Variants in BEGAIN observed in about 807,000 individuals in gnomAD.
BEGAIN encodes the protein brain enriched guanylate kinase associated.
BEGAIN carries 19 observed loss-of-function variants against 35.8 expected under a neutral mutation model. That is an observed-to-expected ratio of 0.53 (90% CI 0.37 to 0.78). The LOEUF is 0.78. Ranked by LOEUF, BEGAIN falls within the 30% of genes least tolerant of loss-of-function variation. The probability of loss-of-function intolerance (pLI) is 0.00; values close to 1 mark genes in which losing one functional copy is unlikely to be tolerated. For synonymous variants in BEGAIN, 462 were observed against 388.6 expected, an observed-to-expected ratio of 1.19 and a Z score of -2.22; for missense variants, 795 against 853.6, an observed-to-expected ratio of 0.93 and a Z score of 0.85.
Position 100,586,770 on chromosome 14 carries a change from G to A in BEGAIN, c.42+479C>T, listed in dbSNP as rs978336180. Among the ~76,000 whole-genome samples, 1 of 152,176 alleles carries A rather than the reference G, an allele frequency of 6.6e-6. No homozygotes were observed. Among genetic ancestry groups the A allele is most frequent in the Non-Finnish European group, 1.5e-5 (1 of 68,032 alleles). On this transcript the variant is annotated intron_variant, in intron 1 of 6. Transcript: ENST00000554140. This position sits in a 1 kb window ranked among gnomAD's most constrained non-coding sequence, Gnocchi z 4.9. ...ACGCGCTGCAAACGCTCAATGAGGCGGCCCCGGGTCCAGCCTCCTTCCGGC... is the reference window on the plus strand; with the variant it reads ...ACGCGCTGCAAACGCTCAATGAGGCAGCCCCGGGTCCAGCCTCCTTCCGGC...
intron 1 of BEGAIN, among the ~76,000 whole-genome samples, chr14:100,571,729 G>A (rs906667625): frequency 3.3e-5 from 5 of 152,034 alleles, no homozygotes; most frequent in African/African-American, 1.2e-4. Flanking sequence ...CAAATCATCC[G>A]ACCCCCATGC....
chr14:100,551,216 A>C (rs1458693380), intron 2 of BEGAIN, among the ~76,000 whole-genome samples: 3 of 152,206 alleles, frequency 2.0e-5, no homozygotes, highest in Non-Finnish European at 4.4e-5. Flanking sequence ...GGTGTGAGGA[A>C]GGACATGGGC....
Position 100,586,461 on chromosome 14 carries a change from C to A in BEGAIN, c.42+788G>T, listed in dbSNP as rs576875934. Among the ~76,000 whole-genome samples the A allele has an allele frequency of 7.9e-5, 12 of 152,286 alleles. No individual in the cohort carries two copies. Among genetic ancestry groups the A allele is most frequent in the Admixed American group, 4.6e-4 (7 of 15,302 alleles). On this transcript the variant is annotated intron_variant, in intron 1 of 6. Coordinates refer to ENST00000554140, the MANE Select transcript of BEGAIN (RefSeq NM_001385089.1). This position sits in a 1 kb window ranked among gnomAD's most constrained non-coding sequence, Gnocchi z 4.9. ...TCTGCCGGCTCAGGAGACTCCAGCG[C>A]GTCGCCCACGCTGTTCCTGCCCTGA...
chr14:100,582,385 G>A (rs909074448), intron 1 of BEGAIN, among the ~76,000 whole-genome samples: 1 of 151,958 alleles, frequency 6.6e-6, no homozygotes, highest in Admixed American at 6.6e-5. Flanking sequence ...CCTCGTGATC[G>A]GCCCACCTCG....
rs2033707172 is a variant in BEGAIN at position 100,556,200 on chromosome 14, A to T, written c.72-9538T>A. ...CCCCTCCCCCTCCTTCACTGGCCAC[A>T]CCTCTCCATTTGGATCCTCGACTCC... On this transcript the variant is annotated intron_variant, in intron 2 of 6. Coordinates refer to ENST00000554140, the MANE Select transcript of BEGAIN (RefSeq NM_001385089.1). Among the ~76,000 whole-genome samples the T allele has an allele frequency of 2.0e-5, 3 of 148,720 alleles. 1 individual carries two copies. In the South Asian group the frequency reaches 6.5e-4, roughly 32 times the overall value.
At chr14:100,564,098 G>A (rs1255591078) in intron 2 of BEGAIN, among the ~76,000 whole-genome samples, 1 of 151,054 alleles carries the variant, frequency 6.6e-6, no homozygotes, top group Non-Finnish European at 1.5e-5. Flanking sequence ...AGGGTCTCGG[G>A]GGATCTTAGG....
At chr14:100,552,131 G>T (rs1352455217) in intron 2 of BEGAIN, among the ~76,000 whole-genome samples, 1 of 152,180 alleles carries the variant, frequency 6.6e-6, no homozygotes, top group East Asian at 1.9e-4. Context: ...GGGCCTTATG[G>T]TAGGTGGGAT....
chr14:100,568,607 C>T lies in BEGAIN; in HGVS notation c.43-668G>A, dbSNP rs1250874248. On this transcript the variant is annotated intron_variant, in intron 1 of 6. Coordinates refer to ENST00000554140, the MANE Select transcript of BEGAIN (RefSeq NM_001385089.1). The surrounding 1 kb of genome is among the most constrained non-coding windows in gnomAD (Gnocchi z 7.5). Reference sequence around the variant, plus strand: ...GGCTCCCTGCCTTGCTTGCGCAGACCCGCCCGCGCGCGGCTTGGAGACCCT... The same window carrying T: ...GGCTCCCTGCCTTGCTTGCGCAGACTCGCCCGCGCGCGGCTTGGAGACCCT... 54 of 1,032,176 alleles carry T rather than the reference C, an allele frequency of 5.2e-5. No homozygotes were observed. The highest frequency in any genetic ancestry group is 6.9e-5 in the Non-Finnish European group (54 of 785,722). 63.9% of individuals were successfully genotyped at this position (1,032,176 alleles called of 1,614,324 possible).
intron 1 of BEGAIN, among the ~76,000 whole-genome samples, chr14:100,575,940 G>A (rs957637646): frequency 7.9e-5 from 12 of 152,146 alleles, no homozygotes; most frequent in African/African-American, 1.4e-4. Context: ...CCCAGAGGAC[G>A]GTCTGCGTGG....
rs2034772222 is a variant in BEGAIN, at chr14:100,567,310, G to C, written c.71+601C>G. Among the ~76,000 whole-genome samples the C allele has an allele frequency of 6.6e-6, 1 of 152,190 alleles. No individual in the cohort carries two copies. The highest frequency in any genetic ancestry group is 1.5e-5 in the Non-Finnish European group (1 of 68,008). ...GAAGTCTACCAAGGCTTAAAGTTTGGCACCGGGAGGGAGGCCGCGGGGGAC... is the reference window on the plus strand; with the variant it reads ...GAAGTCTACCAAGGCTTAAAGTTTGCCACCGGGAGGGAGGCCGCGGGGGAC... On this transcript the variant is annotated intron_variant, in intron 2 of 6. Coordinates refer to ENST00000554140, the MANE Select transcript of BEGAIN (RefSeq NM_001385089.1). This position sits in a 1 kb window ranked among gnomAD's most constrained non-coding sequence, Gnocchi z 5.1.
At chr14:100,580,691 G>A (rs2035297337) in intron 1 of BEGAIN, among the ~76,000 whole-genome samples, 1 of 152,098 alleles carries the variant, frequency 6.6e-6, no homozygotes, top group Non-Finnish European at 1.5e-5. Context: ...TGTAACTAAT[G>A]TTTGCAATTA....
chr14:100,538,394 C>A lies in BEGAIN; in HGVS notation c.1414G>T (p.Gly472Trp), dbSNP rs1476205326. 1 of 1,530,154 alleles carries A rather than the reference C, an allele frequency of 6.5e-7. No homozygotes were observed. The highest frequency in any genetic ancestry group is 8.7e-7 in the Non-Finnish European group (1 of 1,144,928). 94.8% of individuals were successfully genotyped at this position (1,530,154 alleles called of 1,614,324 possible). A position where few individuals can be genotyped will look rare whatever the true frequency, so the allele number is the denominator to read the frequency against. ...TCGGCCTTCTTGCCCGGGCTGCCCC[C>A]GGCCCCGCCGTAGTAGCGTTCAGAG... is the stretch of plus-strand genomic sequence containing the variant. ...SFSERYYGGA[G>W]GSPGKKADGR... Residue 472 changes from glycine (G) to tryptophan (W), a missense_variant, in exon 7 of 7, where the codon GGG becomes TGG. Physicochemically the swap from Gly to Trp is radical, Grantham distance 184. Transcript: ENST00000554140.
chr14:100,577,324 C>T (rs2035223847), intron 1 of BEGAIN: 1 of 398,960 alleles, frequency 2.5e-6, no homozygotes, highest in Non-Finnish European at 4.4e-6. Context: ...ACCTGGAGAC[C>T]TCCAAGGGGA....
At chr14:100,577,642 C>T (rs1028918598) in intron 1 of BEGAIN, 4 of 399,094 alleles carry the variant, frequency 1.0e-5, no homozygotes, top group East Asian at 3.6e-5. Context: ...TCTGGCCTCC[C>T]GCCAGCGGCC....
Position 100,537,846 on chromosome 14 carries a change from AAC to A in BEGAIN, c.*121_*122del. ...GGGGAGGAGAGGAGGTGCGGGGAGG[AAC>A]AGACTCCTCGTTGTTGGCCGGGGCA... On this transcript the variant is annotated 3_prime_UTR_variant, in exon 7 of 7. Transcript: ENST00000554140. 2 of 1,388,870 alleles carry A rather than the reference AAC, an allele frequency of 1.4e-6. No individual in the cohort carries two copies. Among genetic ancestry groups the A allele is most frequent in the Non-Finnish European group, 1.9e-6 (2 of 1,055,840 alleles). The allele number at this position is 1,388,870 out of a possible 1,614,324, so 86.0% of individuals were successfully genotyped here.
At chr14:100,565,069 T>G (rs2034578537) in intron 2 of BEGAIN, among the ~76,000 whole-genome samples, 1 of 152,218 alleles carries the variant, frequency 6.6e-6, no homozygotes, top group Non-Finnish European at 1.5e-5. Flanking sequence ...GGCAAACCCC[T>G]TCTGTATTCT....
intron 2 of BEGAIN, among the ~76,000 whole-genome samples, chr14:100,557,585 C>T (rs531637498): frequency 4.6e-5 from 7 of 152,294 alleles, no homozygotes; most frequent in South Asian, 2.1e-4. Context: ...CAGCCAGTGA[C>T]GGCATTATGG....
At chr14:100,553,500 CCTG>C (rs1007221966) in intron 2 of BEGAIN, among the ~76,000 whole-genome samples, 1 of 152,154 alleles carries the variant, frequency 6.6e-6, no homozygotes, top group African/African-American at 2.4e-5. Flanking sequence ...TCTTCTCGCC[CCTG>C]CTAAGAGGGA....
chr14:100,563,032 G>C lies in BEGAIN; in HGVS notation c.71+4879C>G, dbSNP rs779492282. 6.6e-6 allele frequency among the ~76,000 whole-genome samples: 1 copy of C among 151,924 alleles called. No homozygotes were observed. Among genetic ancestry groups the C allele is most frequent in the Non-Finnish European group, 1.5e-5 (1 of 67,858 alleles). The stretch of plus-strand genomic sequence containing the variant: ...TTGGGTGGGAGAGGGTGCCCTTTGA[G>C]GGGGGGCGTGGAGGGGCAGGGCAGG... On this transcript the variant is annotated intron_variant, in intron 2 of 6. Coordinates refer to ENST00000554140, the MANE Select transcript of BEGAIN (RefSeq NM_001385089.1). The surrounding 1 kb of genome is among the most constrained non-coding windows in gnomAD (Gnocchi z 4.2).
Sources: gnomAD v4.1 joint callset for allele counts (sites outside exome capture counted in the v4.1 genomes callset) on GRCh38, gnomAD v4.1.1 for gene constraint, Gnocchi (gnomAD v3.1) non-coding constraint, MANE v1.5 for transcripts, NCBI Gene and HGNC (gene_info 2026-07-23, HGNC 2026-07-21) for gene names.